The following GPC6 variants were observed in gnomAD, a reference collection of about 807,000 sequenced individuals.
GPC6 encodes the protein glypican-6.
GPC6 carries 14 observed loss-of-function variants against 55.2 expected under a neutral mutation model. That is an observed-to-expected ratio of 0.25 (90% CI 0.17 to 0.40). GPC6 has a LOEUF of 0.40. Among genes scored for constraint, GPC6 ranks in the 10% least tolerant of loss-of-function variants. The pLI is 1.00. For synonymous variants in GPC6, 278 were observed against 259.6 expected, an observed-to-expected ratio of 1.07 and a Z score of -0.68; for missense variants, 641 against 708.5, an observed-to-expected ratio of 0.90 and a Z score of 1.08.
At chr13:93,440,562 C>A (rs1877749739) in intron 1 of GPC6, among the ~76,000 whole-genome samples, 3 of 152,112 alleles carry the variant, frequency 2.0e-5, no homozygotes. Flanking sequence ...AAAAGATCAC[C>A]CACCTGGCTT....
chr13:94,167,684 C>A (rs186750141), intron 4 of GPC6, among the ~76,000 whole-genome samples: 106 of 152,114 alleles, frequency 7.0e-4, no homozygotes, highest in Middle Eastern at 3.4e-3. Context: ...CACGTGCAAT[C>A]ATGGAAATAT....
At chr13:94,069,339 C>T (rs1301052551) in intron 4 of GPC6, among the ~76,000 whole-genome samples, 1 of 152,164 alleles carries the variant, frequency 6.6e-6, no homozygotes, top group Non-Finnish European at 1.5e-5. Context: ...GACCCTGGAC[C>T]TGGCCCATAA....
At chr13:93,528,618 C>A (rs1881742558) in intron 1 of GPC6, among the ~76,000 whole-genome samples, 1 of 152,116 alleles carries the variant, frequency 6.6e-6, no homozygotes, top group Non-Finnish European at 1.5e-5. Flanking sequence ...CTAAAAACAT[C>A]TTTGGATATT....
intron 2 of GPC6, among the ~76,000 whole-genome samples, chr13:93,662,588 C>T (rs941959551): frequency 2.0e-5 from 3 of 151,982 alleles, no homozygotes; most frequent in Non-Finnish European, 2.9e-5. Flanking sequence ...CAAGATTGAG[C>T]CATTGCACTC....
At position 93,764,583 on chromosome 13, in the gene GPC6, AACACACAC is replaced by A. The variant is rs10595180; in HGVS notation, c.320-65550_320-65543del. ...TTTATGAGAAAAAAATAAAGATGTA[AACACACAC>A]ACACACACACACACACACACCACAC... On this transcript the variant is annotated intron_variant, in intron 2 of 8. Transcript: ENST00000377047. Among the ~76,000 whole-genome samples, 642 of 148,464 alleles carry A rather than the reference AACACACAC, an allele frequency of 4.3e-3. 6 individuals carry two copies. Among genetic ancestry groups the A allele is most frequent in the African/African-American group, 0.013 (506 of 40,424 alleles).
At chr13:93,784,285 G>A (rs948826414) in intron 2 of GPC6, among the ~76,000 whole-genome samples, 1 of 152,170 alleles carries the variant, frequency 6.6e-6, no homozygotes, top group Non-Finnish European at 1.5e-5. Flanking sequence ...AGCTCACAGA[G>A]CAAGGAGACA....
At position 93,981,636 on chromosome 13, in the gene GPC6, C is replaced by T. The variant is rs114898503; in HGVS notation, c.712-46093C>T. Among the ~76,000 whole-genome samples the T allele has an allele frequency of 2.1e-3, 322 of 152,284 alleles. 1 individual carries two copies. Among genetic ancestry groups the T allele is most frequent in the African/African-American group, 7.4e-3 (309 of 41,568 alleles). ...CTATATCCTGGTTTAACATTGCTTT[C>T]AAATGCTCATTCACCAACCTAAGCT... On this transcript the variant is annotated intron_variant, in intron 3 of 8. Transcript: ENST00000377047.
At chr13:94,016,485 A>G (rs1566291078) in intron 3 of GPC6, among the ~76,000 whole-genome samples, 1 of 152,174 alleles carries the variant, frequency 6.6e-6, no homozygotes, top group Non-Finnish European at 1.5e-5. Flanking sequence ...GTACTATACC[A>G]TATTAGTTAC....
At chr13:93,546,822 G>A (rs1334310271) in intron 2 of GPC6, among the ~76,000 whole-genome samples, 2 of 152,150 alleles carry the variant, frequency 1.3e-5, no homozygotes, top group East Asian at 1.9e-4. Flanking sequence ...TCTGTTGCCA[G>A]TGATTTTGAC....
chr13:94,232,644 C>A (rs1890765565), intron 4 of GPC6, among the ~76,000 whole-genome samples: 1 of 152,068 alleles, frequency 6.6e-6, no homozygotes, highest in African/African-American at 2.4e-5. Context: ...TAATTAAAAA[C>A]CAAGTGTGAA....
At chr13:93,254,594 G>A (rs1326843019) in intron 1 of GPC6, among the ~76,000 whole-genome samples, 6 of 151,934 alleles carry the variant, frequency 3.9e-5, no homozygotes, top group Non-Finnish European at 8.8e-5. Flanking sequence ...GATCTGACTT[G>A]CTTTATTTTT....
chr13:93,631,834 G>C (rs569398984), intron 2 of GPC6, among the ~76,000 whole-genome samples: 4 of 152,292 alleles, frequency 2.6e-5, no homozygotes, highest in East Asian at 3.9e-4. Flanking sequence ...CTCATATATA[G>C]ATGTGGATTA....
At chr13:94,370,281 C>A (rs1444056923) in intron 6 of GPC6, among the ~76,000 whole-genome samples, 1 of 152,134 alleles carries the variant, frequency 6.6e-6, no homozygotes, top group African/African-American at 2.4e-5. Flanking sequence ...AGCAGCGAAG[C>A]CTTATTTGCT....
intron 4 of GPC6, among the ~76,000 whole-genome samples, chr13:94,041,081 G>T (rs924212290): frequency 6.6e-6 from 1 of 151,854 alleles, no homozygotes; most frequent in East Asian, 1.9e-4. Flanking sequence ...GCCAGTGAAG[G>T]TATGAACATC....
At chr13:93,593,133 G>A (rs1244677636) in intron 2 of GPC6, among the ~76,000 whole-genome samples, 2 of 152,002 alleles carry the variant, frequency 1.3e-5, no homozygotes, top group Non-Finnish European at 2.9e-5. Flanking sequence ...AAAAATGACT[G>A]TATTTTAATA....
intron 2 of GPC6, among the ~76,000 whole-genome samples, chr13:93,695,373 A>G (rs765523517): frequency 6.6e-6 from 1 of 152,012 alleles, no homozygotes; most frequent in African/African-American, 2.4e-5. Flanking sequence ...AAGCACTTCT[A>G]TTCATTTTTA....
intron 2 of GPC6, among the ~76,000 whole-genome samples, chr13:93,559,193 C>T (rs942689698): frequency 6.6e-6 from 1 of 152,126 alleles, no homozygotes; most frequent in Non-Finnish European, 1.5e-5. Flanking sequence ...TCTCAGAAGG[C>T]CGTGCTGTGT....
chr13:94,265,223 A>T (rs1891763890), intron 4 of GPC6, among the ~76,000 whole-genome samples: 1 of 152,198 alleles, frequency 6.6e-6, no homozygotes, highest in Admixed American at 6.5e-5. Flanking sequence ...AATAGGATAG[A>T]TGTATATATA....
chr13:94,120,233 G>A (rs1304591671), intron 4 of GPC6, among the ~76,000 whole-genome samples: 1 of 152,052 alleles, frequency 6.6e-6, no homozygotes, highest in Admixed American at 6.6e-5. Context: ...TAGAAGGATC[G>A]CAGTGCTGTT....
Sources: gnomAD v4.1 joint callset for allele counts (sites outside exome capture counted in the v4.1 genomes callset) on GRCh38, gnomAD v4.1.1 for gene constraint, MANE v1.5 for transcripts, NCBI Gene and HGNC (gene_info 2026-07-23, HGNC 2026-07-21) for gene names.